Variants in BLVRA observed in about 807,000 individuals in gnomAD.
BLVRA encodes biliverdin reductase A, also known as BVR A.
A neutral mutation model predicts 32.8 loss-of-function variants in BLVRA; 22 were observed. The observed-to-expected ratio is 0.67, with a 90% CI of 0.48 to 0.96. The LOEUF (loss-of-function observed/expected upper bound fraction) is 0.96. Among genes scored for constraint, BLVRA ranks in the 40% least tolerant of loss-of-function variants. The pLI, the probability that BLVRA is intolerant of heterozygous loss-of-function variation, is 0.00. For synonymous variants in BLVRA, 119 were observed against 141.3 expected (o/e 0.84, Z 1.12); for missense variants, 323 against 358.1 (o/e 0.90, Z 0.79).
At chr7:43,799,022 G>C (rs1434047361) in intron 5 of BLVRA, among the ~76,000 whole-genome samples, 1 of 152,176 alleles carries the variant, frequency 6.6e-6, no homozygotes, top group Non-Finnish European at 1.5e-5. Flanking sequence ...GAGGAGAAAA[G>C]CTTGTACTTA....
chr7:43,782,316 G>A (rs77680404), intron 2 of BLVRA, among the ~76,000 whole-genome samples: 1,611 of 152,304 alleles, frequency 0.011, 32 homozygotes, highest in African/African-American at 0.037. Flanking sequence ...CTGGCTGGAG[G>A]GAGAAAGACA....
chr7:43,788,662 C>T (rs958624917), intron 3 of BLVRA, among the ~76,000 whole-genome samples: 12 of 152,112 alleles, frequency 7.9e-5, no homozygotes, highest in East Asian at 3.9e-4. Context: ...CAAGCTGCAG[C>T]GCAATGGTGC....
At chr7:43,762,444 A>C (rs1035551990) in intron 1 of BLVRA, among the ~76,000 whole-genome samples, 2 of 151,878 alleles carry the variant, frequency 1.3e-5, no homozygotes, top group Admixed American at 1.3e-4. Flanking sequence ...AAAGAGACTG[A>C]AATCAAAAGG....
chr7:43,763,578 G>A (rs184564726), intron 1 of BLVRA, among the ~76,000 whole-genome samples: 100 of 152,312 alleles, frequency 6.6e-4, no homozygotes, highest in African/African-American at 2.3e-3. Flanking sequence ...GAAAAACAAA[G>A]CACATACTGC....
chr7:43,768,348 T>A lies in BLVRA; in HGVS notation c.-21-2790T>A, dbSNP rs550586121. ...CAGGACTGGACACCAGGTCTCCTGT[T>A]TATCCTTGAAGCTCTCTGGGTGAAT... On this transcript the variant is annotated intron_variant, in intron 1 of 7. Coordinates refer to ENST00000265523, the MANE Select transcript of BLVRA (RefSeq NM_000712.4). 2.6e-5 allele frequency among the ~76,000 whole-genome samples: 4 copies of A among 152,236 alleles called. No individual in the cohort carries two copies. The South Asian group carries it at 6.2e-4, about 24-fold the overall frequency.
chr7:43,780,136 T>G (rs1213898843), intron 2 of BLVRA, among the ~76,000 whole-genome samples: 1 of 152,168 alleles, frequency 6.6e-6, no homozygotes, highest in African/African-American at 2.4e-5. Context: ...CCTCCCAAAG[T>G]GCTGGGTTTA....
Position 43,807,261 on chromosome 7 carries a change from A to C in BLVRA, c.*26A>C. The C allele has an allele frequency of 6.2e-7, 1 of 1,600,894 alleles. No individual in the cohort carries two copies. Among genetic ancestry groups the C allele is most frequent in the Non-Finnish European group, 8.5e-7 (1 of 1,179,854 alleles). ...GAGGAGGAGGTGATGTAGCACTTCC[A>C]AGATGGCACCAGCATTTGGTTCTTC... On this transcript the variant is annotated 3_prime_UTR_variant, in exon 8 of 8. Transcript: ENST00000265523.
chr7:43,786,628 G>A (rs974235031), intron 2 of BLVRA, among the ~76,000 whole-genome samples: 5 of 152,270 alleles, frequency 3.3e-5, no homozygotes, highest in Admixed American at 1.3e-4. Context: ...ACCACATCCC[G>A]TATCATAAAA....
In BLVRA at chr7:43,806,258, G is replaced by A. The variant is rs538467277; in HGVS notation, c.633-719G>A. On this transcript the variant is annotated intron_variant, in intron 7 of 7. Coordinates refer to ENST00000265523, the MANE Select transcript of BLVRA (RefSeq NM_000712.4). ...AACCTGGAGGCAGAGGTTGCAGTGA[G>A]CCGAGATTGCACCACTGCACTCCAG... 2.6e-5 allele frequency among the ~76,000 whole-genome samples: 4 copies of A among 152,312 alleles called. No individual in the cohort carries two copies. The East Asian group carries it at 7.7e-4, about 29-fold the overall frequency.
At position 43,787,630 on chromosome 7, in the gene BLVRA, G is replaced by A. The variant is rs2095779426; in HGVS notation, c.13-274G>A. ...GGAGATGGGGCAGTAGAAGTGGAGA[G>A]CCAAATTGGGGGAACACTTTCTGTG... On this transcript the variant is annotated intron_variant, in intron 2 of 7. Transcript: ENST00000265523. The surrounding 1 kb of genome is among the most constrained non-coding windows in gnomAD (Gnocchi z 4.5). 6.6e-6 allele frequency among the ~76,000 whole-genome samples: 1 copy of A among 152,188 alleles called. No homozygotes were observed.
intron 2 of BLVRA, among the ~76,000 whole-genome samples, chr7:43,778,795 G>T (rs1291603989): frequency 2.0e-5 from 3 of 152,240 alleles, no homozygotes; most frequent in Non-Finnish European, 4.4e-5. Context: ...CTTGAGCTGT[G>T]GTGGGCCCCA....
At chr7:43,759,811 A>G (rs1449349424) in intron 1 of BLVRA, among the ~76,000 whole-genome samples, 1 of 152,228 alleles carries the variant, frequency 6.6e-6, no homozygotes, top group African/African-American at 2.4e-5. Flanking sequence ...TTGTATTGAT[A>G]AATATGCTCA....
At chr7:43,791,431 A>G (rs1378052161) in intron 4 of BLVRA, 63 bp downstream of exon 4, 1 of 1,596,676 alleles carries the variant, frequency 6.3e-7, no homozygotes, top group Admixed American at 1.7e-5. Flanking sequence ...AAAATGAGCA[A>G]GCAAGCTAAA....
intron 1 of BLVRA, among the ~76,000 whole-genome samples, chr7:43,769,120 T>G (rs1563536417): frequency 6.6e-6 from 1 of 151,798 alleles, no homozygotes; most frequent in Non-Finnish European, 1.5e-5. Flanking sequence ...CTCAAATTCC[T>G]GGGCTCAAGT....
intron 1 of BLVRA, 45 bp downstream of exon 1, chr7:43,758,779 G>C (rs972287258): frequency 3.3e-5 from 5 of 151,728 alleles, no homozygotes; most frequent in Non-Finnish European, 5.9e-5. Context: ...GGGGAGCGGG[G>C]GTCGCGCGCG....
chr7:43,795,082 G>A (rs1365000511), intron 5 of BLVRA, among the ~76,000 whole-genome samples: 1 of 151,644 alleles, frequency 6.6e-6, no homozygotes, highest in Non-Finnish European at 1.5e-5. Flanking sequence ...CTGGTGGCAC[G>A]TGCCTGTAAT....
At position 43,787,354 on chromosome 7, in the gene BLVRA, C is replaced by T. The variant is rs1458898842; in HGVS notation, c.13-550C>T. Among the ~76,000 whole-genome samples the T allele has an allele frequency of 6.6e-6, 1 of 152,160 alleles. No homozygotes were observed. Among genetic ancestry groups the T allele is most frequent in the Non-Finnish European group, 1.5e-5 (1 of 68,028 alleles). On this transcript the variant is annotated intron_variant, in intron 2 of 7. Coordinates refer to ENST00000265523, the MANE Select transcript of BLVRA (RefSeq NM_000712.4). This position sits in a 1 kb window ranked among gnomAD's most constrained non-coding sequence, Gnocchi z 4.5. ...CACTTAAATAATATTTAAGATACTG[C>T]AGTATCTTAAATGTGGAACTCAGAA...
At chr7:43,782,171 C>T (rs1382431171) in intron 2 of BLVRA, among the ~76,000 whole-genome samples, 2 of 152,200 alleles carry the variant, frequency 1.3e-5, no homozygotes, top group South Asian at 2.1e-4. Flanking sequence ...TATCAGTTGA[C>T]TAAATGATAG....
chr7:43,779,505 T>A (rs1325182185), intron 2 of BLVRA, among the ~76,000 whole-genome samples: 1 of 152,240 alleles, frequency 6.6e-6, no homozygotes, highest in Non-Finnish European at 1.5e-5. Context: ...ATGTTCATAG[T>A]GTAAAACTCA....
Sources: gnomAD v4.1 joint callset for allele counts (sites outside exome capture counted in the v4.1 genomes callset) on GRCh38, gnomAD v4.1.1 for gene constraint, Gnocchi (gnomAD v3.1) non-coding constraint, MANE v1.5 for transcripts, NCBI Gene and HGNC (gene_info 2026-07-23, HGNC 2026-07-21) for gene names.